P2RY14: variants seen among roughly 807,000 people sequenced by gnomAD.
P2RY14 encodes purinergic receptor P2Y14, also known as P2Y purinoceptor 14.
In P2RY14, 2 loss-of-function variants were observed where a neutral mutation model predicts 0.9. The ratio of observed to expected loss-of-function variants is 2.16; its 90% CI spans 0.88 to 6.79. The LOEUF is 6.79. Ranked by LOEUF, P2RY14 falls within the 30% of genes most tolerant of loss-of-function variation. P2RY14 has a pLI of 0.05. For missense variants in P2RY14, 378 were observed against 400.1 expected (o/e 0.94, Z 0.47); for synonymous variants, 158 against 147.2 (o/e 1.07, Z -0.53).
At chr3:151,262,890 G>A (rs2089084280) in intron 1 of P2RY14, among the ~76,000 whole-genome samples, 1 of 152,170 alleles carries the variant, frequency 6.6e-6, no homozygotes, top group Non-Finnish European at 1.5e-5. Flanking sequence ...ATAGAGGGCA[G>A]TAAGGCTTGG....
intron 1 of P2RY14, among the ~76,000 whole-genome samples, chr3:151,242,318 G>T (rs1367119045): frequency 6.6e-6 from 1 of 152,220 alleles, no homozygotes; most frequent in Non-Finnish European, 1.5e-5. Context: ...ACCTCTGGGG[G>T]CAGGGCACAG....
At chr3:151,243,366 G>A (rs1364073278) in intron 1 of P2RY14, among the ~76,000 whole-genome samples, 1 of 151,056 alleles carries the variant, frequency 6.6e-6, no homozygotes, top group African/African-American at 2.4e-5. Context: ...CAGCCAGAGA[G>A]AAAGGTCGGG....
chr3:151,233,783 C>T (rs1249471897), intron 1 of P2RY14, among the ~76,000 whole-genome samples: 1 of 152,200 alleles, frequency 6.6e-6, no homozygotes, highest in Non-Finnish European at 1.5e-5. Context: ...GAGAGTCCCA[C>T]AGGCATTCTT....
At position 151,213,551 on chromosome 3, in the gene P2RY14, A is replaced by C; in HGVS notation, c.766T>G (p.Tyr256Asp). ...FVPYHIARIPYTKSQTEAHYS... is the reference protein window; with the variant it reads ...FVPYHIARIPDTKSQTEAHYS... ...TGAGCTTCGGTCTGACTCTTTGTGTAGGGGATTCTGGCAATATGGTAAGGT... is the reference window on the plus strand; with the variant it reads ...TGAGCTTCGGTCTGACTCTTTGTGTCGGGGATTCTGGCAATATGGTAAGGT... The change falls in exon 3 of 3, where the codon TAC becomes GAC. Residue 256 changes from tyrosine (Y) to aspartate (D), a missense_variant. Coordinates refer to ENST00000309170, the MANE Select transcript of P2RY14 (RefSeq NM_014879.4). 6.2e-7 allele frequency: 1 copy of C among 1,614,210 alleles called. No individual in the cohort carries two copies.
chr3:151,244,340 A>G lies in P2RY14; in HGVS notation c.-132-24698T>C, dbSNP rs1049921011. Among the ~76,000 whole-genome samples the G allele has an allele frequency of 4.8e-5, 6 of 125,538 alleles. 2 individuals are homozygous for G. Among genetic ancestry groups the G allele is most frequent in the Admixed American group, 4.3e-4 (5 of 11,686 alleles). 82.4% of individuals were successfully genotyped at this position (125,538 alleles called of 152,430 possible). On this transcript the variant is annotated intron_variant, in intron 1 of 2. Transcript: ENST00000309170. ...TTTTTTTCAGCACCACACCACACCT[A>G]TTCCAAAATTGACCACATACTTGGA... is the stretch of plus-strand genomic sequence containing the variant.
intron 1 of P2RY14, among the ~76,000 whole-genome samples, chr3:151,260,160 G>T (rs183259856): frequency 2.6e-5 from 4 of 152,072 alleles, no homozygotes; most frequent in African/African-American, 9.7e-5. Context: ...AAAGAATGAG[G>T]GCTAGTAAAC....
intron 1 of P2RY14, among the ~76,000 whole-genome samples, chr3:151,259,876 C>T (rs1326086796): frequency 1.3e-5 from 2 of 152,198 alleles, no homozygotes; most frequent in Non-Finnish European, 2.9e-5. Flanking sequence ...ACGTCTCTGA[C>T]TGTGTTAGTT....
intron 1 of P2RY14, among the ~76,000 whole-genome samples, chr3:151,223,009 T>C (rs1190729844): frequency 6.6e-6 from 1 of 152,180 alleles, no homozygotes; most frequent in Admixed American, 6.5e-5. Context: ...GATCATCTTA[T>C]ATTTACTTAG....
intron 1 of P2RY14, among the ~76,000 whole-genome samples, chr3:151,275,931 A>G (rs1033218478): frequency 1.6e-4 from 25 of 152,116 alleles, no homozygotes; most frequent in African/African-American, 5.6e-4. Flanking sequence ...CTATGGGTGT[A>G]GCACCAGACT....
chr3:151,238,733 C>T (rs1401917931), intron 1 of P2RY14, among the ~76,000 whole-genome samples: 1 of 152,080 alleles, frequency 6.6e-6, no homozygotes, highest in African/African-American at 2.4e-5. Flanking sequence ...CTTAATAAAG[C>T]AATACTAGTT....
At chr3:151,251,382 A>ATT (rs370035984) in intron 1 of P2RY14, among the ~76,000 whole-genome samples, 4 of 147,936 alleles carry the variant, frequency 2.7e-5, no homozygotes, top group Non-Finnish European at 6.0e-5. Flanking sequence ...AAGCCTGGTG[A>ATT]TTTTTTTTTT....
At chr3:151,275,758 C>CT (rs1365891490) in intron 1 of P2RY14, among the ~76,000 whole-genome samples, 1 of 152,134 alleles carries the variant, frequency 6.6e-6, no homozygotes, top group Non-Finnish European at 1.5e-5. Context: ...TCTCATGCTA[C>CT]TTAGGAAGCT....
intron 1 of P2RY14, among the ~76,000 whole-genome samples, chr3:151,277,234 A>G (rs1334689313): frequency 1.3e-5 from 2 of 151,846 alleles, no homozygotes; most frequent in African/African-American, 4.8e-5. Context: ...AGACATGACA[A>G]TATAGAGTTC....
In P2RY14 at chr3:151,213,725, C is replaced by T. The variant is rs2149222305; in HGVS notation, c.592G>A (p.Val198Met). Reference protein sequence around the residue: ...NYIFVAIFWIVFLLLIVFYTA... With the variant: ...NYIFVAIFWIMFLLLIVFYTA... The stretch of plus-strand genomic sequence containing the variant: ...TAGAAAACGATTAACAAAAGAAACA[C>T]AATCCAGAAGATGGCCACGAAGATG... The change falls in exon 3 of 3, where the codon GTG becomes ATG. Residue 198 changes from valine to methionine, a missense_variant. Coordinates refer to ENST00000309170, the MANE Select transcript of P2RY14 (RefSeq NM_014879.4). 2 of 1,614,204 alleles carry T rather than the reference C, an allele frequency of 1.2e-6. No homozygotes were observed. Among genetic ancestry groups the T allele is most frequent in the East Asian group, 2.2e-5 (1 of 44,890 alleles).
chr3:151,244,333 C>T (rs1734881791), intron 1 of P2RY14, among the ~76,000 whole-genome samples: 2 of 123,950 alleles, frequency 1.6e-5, no homozygotes, highest in Non-Finnish European at 1.8e-5. Flanking sequence ...AGCACCACAC[C>T]ACACCTATTC....
At chr3:151,248,835 C>G (rs1338002486) in intron 1 of P2RY14, 1 of 152,068 alleles carries the variant, frequency 6.6e-6, no homozygotes, top group African/African-American at 2.4e-5. Flanking sequence ...TTTAACTGTA[C>G]TCTGCATTAG....
intron 1 of P2RY14, among the ~76,000 whole-genome samples, chr3:151,253,926 A>G (rs916028210): frequency 1.3e-5 from 2 of 151,348 alleles, no homozygotes; most frequent in Admixed American, 1.3e-4. Context: ...GACCTCCACT[A>G]CTTTTTTTTT....
chr3:151,247,547 G>T (rs1229702807), intron 1 of P2RY14, among the ~76,000 whole-genome samples: 1 of 148,062 alleles, frequency 6.8e-6, no homozygotes, highest in Admixed American at 6.8e-5. Flanking sequence ...TCACTCATAG[G>T]TGGGAATTGA....
In P2RY14 at chr3:151,271,192, TA is replaced by T. The variant is rs538641565; in HGVS notation, c.-133+7094del. 1.7e-3 allele frequency among the ~76,000 whole-genome samples: 262 copies of T among 152,038 alleles called. 1 individual carries two copies. Among genetic ancestry groups the T allele is most frequent in the African/African-American group, 5.4e-3 (222 of 41,480 alleles). On this transcript the variant is annotated intron_variant, in intron 1 of 2. Coordinates refer to ENST00000309170, the MANE Select transcript of P2RY14 (RefSeq NM_014879.4). ...TAATAAAAAGACAAACTCAGTTTCT[TA>T]AAAAAAATGCTGAAAAGATGCAAAC...
Sources: gnomAD v4.1 joint callset for allele counts (sites outside exome capture counted in the v4.1 genomes callset) on GRCh38, gnomAD v4.1.1 for gene constraint, MANE v1.5 for transcripts, NCBI Gene and HGNC (gene_info 2026-07-23, HGNC 2026-07-21) for gene names.